Variants in SMAD5 observed in about 807,000 individuals in gnomAD.
The protein encoded by SMAD5 is MAD, mothers against decapentaplegic homolog 5.
A neutral mutation model predicts 43.1 loss-of-function variants in SMAD5; 9 were observed. The observed-to-expected ratio is 0.21, with a 90% CI of 0.13 to 0.36. The LOEUF is 0.36. Ranked by LOEUF, SMAD5 falls within the 10% of genes least tolerant of loss-of-function variation. The probability of loss-of-function intolerance (pLI) is 1.00; values close to 1 mark genes in which losing one functional copy is unlikely to be tolerated. For synonymous variants in SMAD5, 190 were observed against 192.4 expected (o/e 0.99, Z 0.10); for missense variants, 348 against 574.0 (o/e 0.61, Z 4.02).
At chr5:136,158,419 C>T (rs757899875) in intron 3 of SMAD5, among the ~76,000 whole-genome samples, 11 of 151,892 alleles carry the variant, frequency 7.2e-5, no homozygotes, top group African/African-American at 1.9e-4. Flanking sequence ...ATCTGCCTGC[C>T]GACAAGCAAA....
At chr5:136,171,401 T>C (rs1036601066) in intron 5 of SMAD5, among the ~76,000 whole-genome samples, 6 of 152,228 alleles carry the variant, frequency 3.9e-5, no homozygotes, top group Admixed American at 3.9e-4. Context: ...TGTTCTGAAT[T>C]GTGTCGTCCC....
In SMAD5 at chr5:136,174,460, A is replaced by G. The variant is rs758682905; in HGVS notation, c.1082A>G (p.Asn361Ser). The change falls in exon 7 of 8, where the codon AAC becomes AGC. Residue 361 changes from asparagine (N) to serine (S), a missense_variant. Asn to Ser is a conservative substitution (Grantham distance 46). Transcript: ENST00000545279. ...ATATTTGTACAGAGTAGGAACTGCAACTTTCATCATGGCTTTCATCCCACC... is the reference window on the plus strand; with the variant it reads ...ATATTTGTACAGAGTAGGAACTGCAGCTTTCATCATGGCTTTCATCCCACC... Reference protein sequence around the residue: ...SSIFVQSRNCNFHHGFHPTTV... With the variant: ...SSIFVQSRNCSFHHGFHPTTV... 15 of 1,613,876 alleles carry G rather than the reference A, an allele frequency of 9.3e-6. No homozygotes were observed. The highest frequency in any genetic ancestry group is 1.3e-5 in the Non-Finnish European group (15 of 1,179,866).
intron 1 of SMAD5, among the ~76,000 whole-genome samples, chr5:136,139,929 G>A (rs561906883): frequency 1.1e-4 from 16 of 152,046 alleles, no homozygotes; most frequent in Admixed American, 8.5e-4. Flanking sequence ...CCCAGGCTAG[G>A]CTTGAACCGC....
intron 4 of SMAD5, among the ~76,000 whole-genome samples, chr5:136,162,977 T>C (rs1753874160): frequency 1.3e-5 from 2 of 152,204 alleles, no homozygotes; most frequent in African/African-American, 4.8e-5. Flanking sequence ...CACATAAAAA[T>C]AAAGGCAAAA....
intron 1 of SMAD5, among the ~76,000 whole-genome samples, chr5:136,138,043 C>T (rs1344872680): frequency 6.6e-6 from 1 of 152,204 alleles, no homozygotes; most frequent in Non-Finnish European, 1.5e-5. Context: ...TGTGCCTACA[C>T]GCCTGTACAA....
chr5:136,142,749 T>A (rs1156757560), intron 1 of SMAD5, among the ~76,000 whole-genome samples: 1 of 152,140 alleles, frequency 6.6e-6, no homozygotes, highest in Non-Finnish European at 1.5e-5. Flanking sequence ...CTGTGCTTGG[T>A]GTACATTTTT....
intron 1 of SMAD5, among the ~76,000 whole-genome samples, chr5:136,136,445 A>G (rs1000454838): frequency 6.6e-6 from 1 of 152,148 alleles, no homozygotes; most frequent in African/African-American, 2.4e-5. Context: ...TAATAGAATA[A>G]TAGTCATTGG....
At position 136,182,619 on chromosome 5, in the gene SMAD5, C is replaced by T. The variant is rs1754672587; in HGVS notation, c.*5139C>T. The T allele has an allele frequency of 6.6e-6, 1 of 152,604 alleles. No homozygotes were observed. Among genetic ancestry groups the T allele is most frequent in the Admixed American group, 6.5e-5 (1 of 15,270 alleles). The allele number at this position is 152,604 out of a possible 1,614,324, so 9.5% of individuals were successfully genotyped here. A position where few individuals can be genotyped will look rare whatever the true frequency, so the allele number is the denominator to read the frequency against. On this transcript the variant is annotated 3_prime_UTR_variant, in exon 8 of 8. Coordinates refer to ENST00000545279, the MANE Select transcript of SMAD5 (RefSeq NM_005903.7). ...ATGCTTCAATTCTGTTATTTTGATA[C>T]TTATGAAAATGTATTAGGTTTTACT...
chr5:136,150,342 T>G (rs1455561206), intron 2 of SMAD5, among the ~76,000 whole-genome samples: 1 of 151,822 alleles, frequency 6.6e-6, no homozygotes, highest in African/African-American at 2.4e-5. Flanking sequence ...TTAGTCAACG[T>G]GGGTTTAAAA....
At chr5:136,175,131 A>G (rs1391981849) in intron 7 of SMAD5, among the ~76,000 whole-genome samples, 1 of 152,138 alleles carries the variant, frequency 6.6e-6, no homozygotes, top group Non-Finnish European at 1.5e-5. Context: ...TTATAAAACT[A>G]TCGGATCTTA....
chr5:136,154,298 A>T (rs1753562039), intron 3 of SMAD5, 135 bp downstream of exon 3: 3 of 596,746 alleles, frequency 5.0e-6, no homozygotes, highest in Non-Finnish European at 8.0e-6. Context: ...CTAATCTTGG[A>T]AGGGCTATTG....
intron 1 of SMAD5, among the ~76,000 whole-genome samples, chr5:136,145,224 A>G (rs181909685): frequency 5.9e-5 from 9 of 151,938 alleles, no homozygotes; most frequent in South Asian, 2.1e-4. Context: ...TTGTACAGGC[A>G]TGGCTCTGAC....
At position 136,181,073 on chromosome 5, in the gene SMAD5, A is replaced by G. The variant is rs989253788; in HGVS notation, c.*3593A>G. On this transcript the variant is annotated 3_prime_UTR_variant, in exon 8 of 8. Transcript: ENST00000545279. The stretch of plus-strand genomic sequence containing the variant: ...AACTCTAAAAAGTTTGATAGTACCT[A>G]TCAAAGTGCTGTACTTCTGTGATAG... 2 of 152,166 alleles carry G rather than the reference A, an allele frequency of 1.3e-5. No individual in the cohort carries two copies. The highest frequency in any genetic ancestry group is 1.3e-4 in the Admixed American group (2 of 15,288). The allele number at this position is 152,166 out of a possible 1,614,324, so 9.4% of individuals were successfully genotyped here. A position where few individuals can be genotyped will look rare whatever the true frequency, so the allele number is the denominator to read the frequency against.
chr5:136,171,732 A>G (rs1248711394), intron 5 of SMAD5, among the ~76,000 whole-genome samples: 1 of 152,182 alleles, frequency 6.6e-6, no homozygotes, highest in Non-Finnish European at 1.5e-5. Context: ...CTGGGTTTAC[A>G]ACATTAGAGT....
intron 3 of SMAD5, among the ~76,000 whole-genome samples, chr5:136,154,414 T>C (rs1165554365): frequency 6.6e-6 from 1 of 152,182 alleles, no homozygotes; most frequent in Non-Finnish European, 1.5e-5. Flanking sequence ...CCTTTTCCTG[T>C]GGATGACCTG....
intron 1 of SMAD5, among the ~76,000 whole-genome samples, chr5:136,147,000 A>G (rs549019200): frequency 8.6e-5 from 13 of 151,800 alleles, no homozygotes; most frequent in African/African-American, 2.9e-4. Context: ...AAGACTATAT[A>G]TATGCAGAGG....
chr5:136,162,313 C>G (rs1174425678), intron 4 of SMAD5, among the ~76,000 whole-genome samples: 1 of 152,162 alleles, frequency 6.6e-6, no homozygotes, highest in Non-Finnish European at 1.5e-5. Context: ...AGACGTGGCC[C>G]TGGCTGGGAA....
chr5:136,169,878 A>G (rs1754152684), intron 5 of SMAD5, among the ~76,000 whole-genome samples: 1 of 152,180 alleles, frequency 6.6e-6, no homozygotes. Flanking sequence ...TAACATGTTG[A>G]ACATCTTTTC....
In SMAD5 at chr5:136,174,115, A is replaced by G. The variant is rs574730683; in HGVS notation, c.998-261A>G. Among the ~76,000 whole-genome samples, 10 of 151,692 alleles carry G rather than the reference A, an allele frequency of 6.6e-5. No individual in the cohort carries two copies. The East Asian group carries it at 9.7e-4, about 15-fold the overall frequency. On this transcript the variant is annotated intron_variant, in intron 6 of 7. Coordinates refer to ENST00000545279, the MANE Select transcript of SMAD5 (RefSeq NM_005903.7). ...CTTTCTCTCATAGAGATGATAAATG[A>G]TTGTTGGGAAAGGAAAAAGAGAACA...
Sources: gnomAD v4.1 joint callset for allele counts (sites outside exome capture counted in the v4.1 genomes callset) on GRCh38, gnomAD v4.1.1 for gene constraint, MANE v1.5 for transcripts, NCBI Gene and HGNC (gene_info 2026-07-23, HGNC 2026-07-21) for gene names.